TPST1: variants seen among roughly 807,000 people sequenced by gnomAD.
TPST1 encodes the protein tyrosylprotein sulfotransferase 1.
In TPST1, 20 loss-of-function variants were observed where a neutral mutation model predicts 34.8. That is an observed-to-expected ratio of 0.57 (90% CI 0.40 to 0.84). The LOEUF (loss-of-function observed/expected upper bound fraction) is 0.84, where lower values mean the gene tolerates loss of function less well. TPST1 is among the 40% of genes least tolerant of loss of function. The probability of loss-of-function intolerance (pLI) is 0.00; values close to 1 mark genes in which losing one functional copy is unlikely to be tolerated. For synonymous variants in TPST1, 152 were observed against 159.4 expected, an observed-to-expected ratio of 0.95 and a Z score of 0.35; for missense variants, 353 against 455.5, an observed-to-expected ratio of 0.78 and a Z score of 2.05.
intron 3 of TPST1, among the ~76,000 whole-genome samples, chr7:66,320,844 C>T (rs200374761): frequency 2.0e-5 from 3 of 151,872 alleles, no homozygotes; most frequent in South Asian, 2.1e-4. Flanking sequence ...GTGATCTGCC[C>T]GCCTCAGCCT....
At chr7:66,208,467 C>T (rs1248925811) in intron 1 of TPST1, among the ~76,000 whole-genome samples, 3 of 151,802 alleles carry the variant, frequency 2.0e-5, no homozygotes, top group African/African-American at 7.3e-5. Flanking sequence ...ACCACTTATA[C>T]CATTTTTAGT....
At chr7:66,285,432 G>A (rs998759082) in intron 2 of TPST1, among the ~76,000 whole-genome samples, 3 of 152,156 alleles carry the variant, frequency 2.0e-5, no homozygotes, top group African/African-American at 7.2e-5. Flanking sequence ...TATTTGAAAA[G>A]GGAGAAAGGA....
intron 4 of TPST1, chr7:66,353,040 C>G: frequency 1.0e-6 from 1 of 976,144 alleles, no homozygotes; most frequent in Non-Finnish European, 1.2e-6. Flanking sequence ...TTAAAGCCAG[C>G]ATGGTGGCTC....
chr7:66,279,315 A>G (rs1790885841), intron 2 of TPST1, among the ~76,000 whole-genome samples: 1 of 152,080 alleles, frequency 6.6e-6, no homozygotes, highest in Admixed American at 6.5e-5. Flanking sequence ...CCACATTTTC[A>G]TCATCCAGTC....
intron 3 of TPST1, among the ~76,000 whole-genome samples, chr7:66,348,605 T>C (rs1562855492): frequency 6.6e-6 from 1 of 152,244 alleles, no homozygotes. Flanking sequence ...CTCATTGCTG[T>C]CAAGCAGAAT....
intron 3 of TPST1, among the ~76,000 whole-genome samples, chr7:66,325,452 AATACT>A (rs952833173): frequency 1.3e-5 from 2 of 151,546 alleles, no homozygotes; most frequent in Non-Finnish European, 2.9e-5. Flanking sequence ...AGCAAAAGAG[AATACT>A]ATACAATGGT....
chr7:66,261,070 T>C (rs1409559173), intron 2 of TPST1, among the ~76,000 whole-genome samples: 1 of 152,228 alleles, frequency 6.6e-6, no homozygotes, highest in East Asian at 1.9e-4. Flanking sequence ...TCTGCTGGGC[T>C]CTGCCTGGGA....
intron 1 of TPST1, among the ~76,000 whole-genome samples, chr7:66,216,475 CTTTTTT>C (rs142729625): frequency 6.9e-6 from 1 of 144,050 alleles, no homozygotes; most frequent in African/African-American, 2.5e-5. Context: ...TGCTCTTTTT[CTTTTTT>C]TTTTTTGAGA....
At chr7:66,337,984 C>A (rs1005131970) in intron 3 of TPST1, among the ~76,000 whole-genome samples, 2 of 152,094 alleles carry the variant, frequency 1.3e-5, no homozygotes, top group Non-Finnish European at 2.9e-5. Flanking sequence ...CAGTAGTAAA[C>A]CCTTACCTGT....
upstream of TPST1, among the ~76,000 whole-genome samples, chr7:66,200,729 T>A (rs1419787604): frequency 1.3e-5 from 2 of 151,994 alleles, no homozygotes; most frequent in Non-Finnish European, 2.9e-5. Context: ...CGAGGTTATC[T>A]TTTTTTAATT....
chr7:66,356,982 G>C, intron 5 of TPST1, 111 bp downstream of exon 5: 1 of 983,606 alleles, frequency 1.0e-6, no homozygotes, highest in Non-Finnish European at 1.6e-6. Context: ...GCCAGGGTTG[G>C]AATCCTGCCT....
At chr7:66,307,397 T>G (rs1584226407) in intron 3 of TPST1, among the ~76,000 whole-genome samples, 1 of 152,146 alleles carries the variant, frequency 6.6e-6, no homozygotes, top group South Asian at 2.1e-4. Context: ...GGATTACAGG[T>G]GTGAGCCACT....
intron 3 of TPST1, among the ~76,000 whole-genome samples, chr7:66,328,906 A>ATTTTTTTTTTTTT (rs1172711561): frequency 7.6e-5 from 1 of 13,158 alleles, no homozygotes; most frequent in Non-Finnish European, 1.2e-4. Flanking sequence ...ATATATATAT[A>ATTTTTTTTTTTTT]TTTTTTTTTT....
intron 4 of TPST1, among the ~76,000 whole-genome samples, chr7:66,356,502 C>T (rs1792585891): frequency 6.6e-6 from 1 of 152,240 alleles, no homozygotes; most frequent in Non-Finnish European, 1.5e-5. Flanking sequence ...GCTCCAAGCC[C>T]CAGCCCCTGA....
chr7:66,232,113 T>C (rs1053626750), intron 1 of TPST1, among the ~76,000 whole-genome samples: 1 of 152,170 alleles, frequency 6.6e-6, no homozygotes, highest in African/African-American at 2.4e-5. Flanking sequence ...CAAATTCTTA[T>C]GTGGAGATGT....
chr7:66,212,066 A>G (rs1169192651), intron 1 of TPST1, among the ~76,000 whole-genome samples: 2 of 152,244 alleles, frequency 1.3e-5, no homozygotes, highest in Non-Finnish European at 2.9e-5. Flanking sequence ...TAAGGTGGTT[A>G]AGCTGTGACA....
chr7:66,303,395 A>G (rs1047688035), intron 3 of TPST1, among the ~76,000 whole-genome samples: 2 of 151,482 alleles, frequency 1.3e-5, no homozygotes, highest in East Asian at 1.9e-4. Flanking sequence ...CTGTGTGTGT[A>G]TGTATGTATG....
In TPST1 at chr7:66,309,815, C is replaced by T. The variant is rs565462962; in HGVS notation, c.1044+23106C>T. On this transcript the variant is annotated intron_variant, in intron 3 of 5. Coordinates refer to ENST00000304842, the MANE Select transcript of TPST1 (RefSeq NM_003596.4). ...TGACCACTTGACCATTTTTTTGTAG[C>T]CAGTGATACATAAGGAGATTTTTTT... 3.6e-4 allele frequency among the ~76,000 whole-genome samples: 52 copies of T among 146,262 alleles called. No homozygotes were observed. The South Asian group carries it at 4.3e-3, about 12-fold the overall frequency.
intron 2 of TPST1, among the ~76,000 whole-genome samples, chr7:66,281,962 G>A (rs1041785827): frequency 1.3e-5 from 2 of 152,180 alleles, no homozygotes; most frequent in Admixed American, 6.5e-5. Flanking sequence ...CAGACGGAAG[G>A]AAGCCTGGGC....
Sources: gnomAD v4.1 joint callset for allele counts (sites outside exome capture counted in the v4.1 genomes callset) on GRCh38, gnomAD v4.1.1 for gene constraint, MANE v1.5 for transcripts, NCBI Gene and HGNC (gene_info 2026-07-23, HGNC 2026-07-21) for gene names.